Variants in OSMR observed in about 807,000 individuals in gnomAD.
OSMR encodes the protein oncostatin-M-specific receptor subunit beta.
OSMR carries 81 observed loss-of-function variants against 99.9 expected under a neutral mutation model. The ratio of observed to expected loss-of-function variants is 0.81; its 90% CI spans 0.68 to 0.97. OSMR has a LOEUF of 0.97. Ranked by LOEUF, OSMR falls within the 50% of genes least tolerant of loss-of-function variation. The probability of loss-of-function intolerance (pLI) is 0.00; values close to 1 mark genes in which losing one functional copy is unlikely to be tolerated. For synonymous variants in OSMR, 406 were observed against 410.4 expected (o/e 0.99, Z 0.13); for missense variants, 1,099 against 1,153.4 (o/e 0.95, Z 0.68).
intron 7 of OSMR, among the ~76,000 whole-genome samples, chr5:38,902,767 C>T (rs986709974): frequency 2.6e-5 from 4 of 152,196 alleles, no homozygotes; most frequent in African/African-American, 9.7e-5. Context: ...CTGCATTGTG[C>T]ATGCTGGTTC....
chr5:38,885,322 T>C, intron 5 of OSMR, 27 bp from the exon 6 acceptor site: 1 of 1,613,326 alleles, frequency 6.2e-7, no homozygotes, highest in Non-Finnish European at 8.5e-7. Flanking sequence ...AAGATTTAAC[T>C]AGGTCTGTTT....
chr5:38,897,785 T>G (rs1454327687), intron 7 of OSMR, among the ~76,000 whole-genome samples: 3 of 152,180 alleles, frequency 2.0e-5, no homozygotes, highest in Non-Finnish European at 1.5e-5. Context: ...GTACTGCTTT[T>G]GCTGCATCTT....
intron 1 of OSMR, among the ~76,000 whole-genome samples, chr5:38,868,076 T>C (rs1247176654): frequency 6.6e-6 from 1 of 152,252 alleles, no homozygotes; most frequent in East Asian, 1.9e-4. Context: ...CTATTGTATT[T>C]GTTCTCTTTC....
chr5:38,896,336 T>A (rs1202698412), intron 7 of OSMR, among the ~76,000 whole-genome samples: 2 of 152,140 alleles, frequency 1.3e-5, no homozygotes, highest in African/African-American at 4.8e-5. Context: ...CAATGTTTTG[T>A]AGTTTTCATT....
intron 7 of OSMR, among the ~76,000 whole-genome samples, chr5:38,887,280 A>G (rs745461239): frequency 2.0e-5 from 3 of 152,228 alleles, no homozygotes; most frequent in Non-Finnish European, 2.9e-5. Context: ...TTTTAAAGGT[A>G]TCATTTCCTA....
At chr5:38,857,826 C>G (rs929749388) in intron 1 of OSMR, among the ~76,000 whole-genome samples, 26 of 152,072 alleles carry the variant, frequency 1.7e-4, no homozygotes, top group African/African-American at 6.0e-4. Context: ...TGCCACCATG[C>G]CTGGCTAATT....
At chr5:38,866,398 G>A (rs537052710) in intron 1 of OSMR, among the ~76,000 whole-genome samples, 39 of 152,328 alleles carry the variant, frequency 2.6e-4, no homozygotes, top group African/African-American at 9.4e-4. Flanking sequence ...GGGCAGGTTA[G>A]AGTTGCTGTC....
intron 9 of OSMR, among the ~76,000 whole-genome samples, chr5:38,917,096 GC>G (rs1745944658): frequency 6.6e-6 from 1 of 152,244 alleles, no homozygotes; most frequent in South Asian, 2.1e-4. Context: ...GAGCGGGCCA[GC>G]CGTGGGTATC....
chr5:38,851,824 G>A (rs912836110), intron 1 of OSMR, among the ~76,000 whole-genome samples: 1 of 152,156 alleles, frequency 6.6e-6, no homozygotes, highest in African/African-American at 2.4e-5. Flanking sequence ...AATCATGGGG[G>A]CAGTTTCCCC....
chr5:38,922,401 T>C lies in OSMR; in HGVS notation c.1765+607T>C, dbSNP rs545378016. 9.2e-5 allele frequency among the ~76,000 whole-genome samples: 14 copies of C among 152,152 alleles called. No individual in the cohort carries two copies. In the South Asian group the frequency reaches 2.7e-3, roughly 29 times the overall value. ...TGGTATGGTGGGTTGTGGAAGGAGA[T>C]TGCAGAGGTACAGGTGTAATGGGGA... On this transcript the variant is annotated intron_variant, in intron 12 of 17. Coordinates refer to ENST00000274276, the MANE Select transcript of OSMR (RefSeq NM_003999.3).
intron 1 of OSMR, among the ~76,000 whole-genome samples, chr5:38,866,680 A>T (rs1741976180): frequency 6.6e-6 from 1 of 151,222 alleles, no homozygotes; most frequent in African/African-American, 2.4e-5. Context: ...ATGTAGTCTT[A>T]TGGAGGTGGG....
chr5:38,878,258 G>A (rs1172645674), intron 3 of OSMR, among the ~76,000 whole-genome samples: 1 of 152,152 alleles, frequency 6.6e-6, no homozygotes, highest in Non-Finnish European at 1.5e-5. Context: ...AGTTAAGGAG[G>A]AGGATGCTGC....
intron 2 of OSMR, chr5:38,944,510 G>T (rs777123686): frequency 6.2e-7 from 1 of 1,612,176 alleles, no homozygotes; most frequent in South Asian, 1.1e-5. Flanking sequence ...ACTAATCTTA[G>T]AACTTCTTTG....
At chr5:38,883,624 A>G (rs1743471472) in intron 4 of OSMR, 2 of 783,396 alleles carry the variant, frequency 2.6e-6, no homozygotes, top group East Asian at 1.3e-4. Context: ...CAGCAGTGGT[A>G]TCAGTGTAAC....
rs1200977238 is a variant in OSMR, at chr5:38,884,017, G to A, written c.609G>A (p.Val203=). 6.2e-7 allele frequency: 1 copy of A among 1,612,832 alleles called. No homozygotes were observed. Among genetic ancestry groups the A allele is most frequent in the South Asian group, 1.1e-5 (1 of 91,056 alleles). ...PHVTAFNLNS[V]PFIRNKGTNI... is the part of the protein sequence containing the mutation. Reference sequence around the variant, plus strand: ...TAACTGCATTCAACTTGAATAGTGTGCCTTTCATTAGGAATAAAGGGACAA... The same window carrying A: ...TAACTGCATTCAACTTGAATAGTGTACCTTTCATTAGGAATAAAGGGACAA... Residue 203 remains valine (V), a synonymous_variant, in exon 5 of 18, where the codon GTG becomes GTA. Transcript: ENST00000274276.
At chr5:38,923,655 C>T (rs1746338641) in intron 13 of OSMR, among the ~76,000 whole-genome samples, 1 of 152,086 alleles carries the variant, frequency 6.6e-6, no homozygotes, top group Non-Finnish European at 1.5e-5. Flanking sequence ...AAATCACCCC[C>T]TAGAAATGTT....
chr5:38,892,083 C>T (rs1032610952), intron 7 of OSMR, among the ~76,000 whole-genome samples: 1 of 152,142 alleles, frequency 6.6e-6, no homozygotes, highest in Non-Finnish European at 1.5e-5. Context: ...AGGTGTGGCA[C>T]CCGTGCGTGC....
rs971009797 is a variant in OSMR at position 38,880,324 on chromosome 5, G to A, written c.247-1269G>A. 4.6e-5 allele frequency among the ~76,000 whole-genome samples: 7 copies of A among 152,308 alleles called. No homozygotes were observed. In the South Asian group the frequency reaches 1.5e-3, roughly 32 times the overall value. ...AACATGGATGCAGACTCGAACTCAG[G>A]TTCCCCCAGTAAGTGTCATGTGTGT... On this transcript the variant is annotated intron_variant, in intron 3 of 17. Coordinates refer to ENST00000274276, the MANE Select transcript of OSMR (RefSeq NM_003999.3).
intron 1 of OSMR, among the ~76,000 whole-genome samples, chr5:38,855,683 C>T (rs943434634): frequency 1.3e-5 from 2 of 151,954 alleles, no homozygotes; most frequent in Admixed American, 6.6e-5. Flanking sequence ...TGGACCATTG[C>T]ACTAACCCCC....
Sources: gnomAD v4.1 joint callset for allele counts (sites outside exome capture counted in the v4.1 genomes callset) on GRCh38, gnomAD v4.1.1 for gene constraint, MANE v1.5 for transcripts, NCBI Gene and HGNC (gene_info 2026-07-23, HGNC 2026-07-21) for gene names.